The following UGGT2 variants were observed in gnomAD, a reference collection of about 807,000 sequenced individuals.
The protein encoded by UGGT2 is UDP-glucose:glycoprotein glucosyltransferase 2.
A neutral mutation model predicts 192.1 loss-of-function variants in UGGT2; 180 were observed. That is an observed-to-expected ratio of 0.94 (90% CI 0.83 to 1.06). The LOEUF is 1.06. Ranked by LOEUF, UGGT2 falls within the 50% of genes least tolerant of loss-of-function variation. The probability of loss-of-function intolerance (pLI) is 0.00; values close to 1 mark genes in which losing one functional copy is unlikely to be tolerated. For missense variants in UGGT2, 1,849 were observed against 1,795.7 expected, an observed-to-expected ratio of 1.03 and a Z score of -0.54; for synonymous variants, 580 against 591.0, an observed-to-expected ratio of 0.98 and a Z score of 0.27.
intron 7 of UGGT2, chr13:95,991,280 G>T (rs994724121): frequency 2.2e-5 from 6 of 273,516 alleles, no homozygotes; most frequent in African/African-American, 1.3e-4. Flanking sequence ...TCTGGTTCTA[G>T]ATCCTTGAGG....
At position 95,801,710 on chromosome 13, in the gene UGGT2, C is replaced by A; in HGVS notation, c.*80G>T. 6.8e-7 allele frequency: 1 copy of A among 1,468,946 alleles called. No individual in the cohort carries two copies. Among genetic ancestry groups the A allele is most frequent in the South Asian group, 1.2e-5 (1 of 80,730 alleles). 91.0% of individuals were successfully genotyped at this position (1,468,946 alleles called of 1,614,324 possible). On this transcript the variant is annotated 3_prime_UTR_variant, in exon 39 of 39. Transcript: ENST00000376747. ...GATCTTAACGAGACTTCCAAATCGTCTCAGCAGGGGCTCCAGACTTCCCCA... is the reference window on the plus strand; with the variant it reads ...GATCTTAACGAGACTTCCAAATCGTATCAGCAGGGGCTCCAGACTTCCCCA...
chr13:96,051,953 TTTGA>T (rs1268141775), intron 1 of UGGT2, among the ~76,000 whole-genome samples: 1 of 152,198 alleles, frequency 6.6e-6, no homozygotes, highest in Non-Finnish European at 1.5e-5. Context: ...AGATCTACCA[TTTGA>T]TCCAGCAATC....
At chr13:96,009,736 A>G (rs367830814) in intron 5 of UGGT2, among the ~76,000 whole-genome samples, 166 of 152,298 alleles carry the variant, frequency 1.1e-3, no homozygotes, top group African/African-American at 3.7e-3. Flanking sequence ...TGAACCCAAG[A>G]GGCGGAGGTT....
intron 5 of UGGT2, among the ~76,000 whole-genome samples, chr13:96,007,375 C>A (rs1225751142): frequency 6.6e-6 from 1 of 152,034 alleles, no homozygotes; most frequent in East Asian, 1.9e-4. Flanking sequence ...GAAAGCCATC[C>A]CTCAAAGATC....
intron 8 of UGGT2, among the ~76,000 whole-genome samples, chr13:95,988,218 G>A (rs540755153): frequency 4.7e-4 from 71 of 152,138 alleles, no homozygotes; most frequent in African/African-American, 1.6e-3. Context: ...TCTGTAAAAA[G>A]TCCCTTTATT....
intron 12 of UGGT2, among the ~76,000 whole-genome samples, chr13:95,962,229 G>A (rs2050417474): frequency 6.6e-6 from 1 of 151,924 alleles, no homozygotes; most frequent in Non-Finnish European, 1.5e-5. Flanking sequence ...TAAGATCAGA[G>A]CAGAACTAAA....
intron 14 of UGGT2, 97 bp downstream of exon 14, chr13:95,947,899 A>G: frequency 1.1e-6 from 1 of 939,104 alleles, no homozygotes; most frequent in Non-Finnish European, 1.6e-6. Context: ...AGAGCTAACC[A>G]TCGCTTTGAA....
intron 27 of UGGT2, among the ~76,000 whole-genome samples, chr13:95,882,961 A>T (rs1488071065): frequency 1.3e-5 from 2 of 152,170 alleles, no homozygotes; most frequent in East Asian, 3.8e-4. Flanking sequence ...TGGAAAAAAC[A>T]GCGATTTTTT....
intron 12 of UGGT2, among the ~76,000 whole-genome samples, chr13:95,962,927 G>T (rs1343942687): frequency 6.6e-6 from 1 of 152,098 alleles, no homozygotes; most frequent in East Asian, 1.9e-4. Flanking sequence ...ATCTTATATG[G>T]ATGGCAGCAA....
rs182574217 is a variant in UGGT2 at position 95,845,786 on chromosome 13, G to A, written c.4284+7757C>T. 8.0e-5 allele frequency among the ~76,000 whole-genome samples: 12 copies of A among 150,684 alleles called. No individual in the cohort carries two copies. The East Asian group carries it at 2.2e-3, about 27-fold the overall frequency. On this transcript the variant is annotated intron_variant, in intron 36 of 38. Transcript: ENST00000376747. ...CTCCTCAGTTCCCAGACGGGGTCGC[G>A]GCCGGGCAGAGGCGCTCTTCACATC... is the stretch of plus-strand genomic sequence containing the variant.
intron 38 of UGGT2, among the ~76,000 whole-genome samples, chr13:95,811,404 C>G (rs1215483743): frequency 6.6e-6 from 1 of 152,132 alleles, no homozygotes; most frequent in Non-Finnish European, 1.5e-5. Flanking sequence ...CTAGGCAAAT[C>G]TGTGGAGACA....
chr13:95,876,302 T>C (rs1389661976), intron 29 of UGGT2, among the ~76,000 whole-genome samples: 1 of 152,212 alleles, frequency 6.6e-6, no homozygotes, highest in Non-Finnish European at 1.5e-5. Context: ...AAAATATCAA[T>C]TATGCTGGTA....
Position 95,815,262 on chromosome 13 carries a change from A to C in UGGT2, c.4529-13450T>G, listed in dbSNP as rs369823195. Among the ~76,000 whole-genome samples, 6 of 152,318 alleles carry C rather than the reference A, an allele frequency of 3.9e-5. No homozygotes were observed. In the East Asian group the frequency reaches 7.7e-4, roughly 20 times the overall value. ...ACATTACTATGAAGACTGGAAAGGA[A>C]AAAGTAAAACTATTTTTATTTGCTG... On this transcript the variant is annotated intron_variant, in intron 38 of 38. Coordinates refer to ENST00000376747, the MANE Select transcript of UGGT2 (RefSeq NM_020121.4).
chr13:95,871,984 G>C (rs749009650), intron 29 of UGGT2, among the ~76,000 whole-genome samples: 1 of 152,154 alleles, frequency 6.6e-6, no homozygotes, highest in Non-Finnish European at 1.5e-5. Flanking sequence ...CAAAAACATG[G>C]GAGAAACAGT....
At chr13:95,859,725 C>CAT (rs770978003) in intron 32 of UGGT2, 50 bp from the exon 33 acceptor site, 49 of 1,327,440 alleles carry the variant, frequency 3.7e-5, no homozygotes, top group Non-Finnish European at 4.9e-5. Context: ...AACAGGAGCT[C>CAT]ATATATATTT....
chr13:95,807,716 C>CTTA (rs1555331600), intron 38 of UGGT2, among the ~76,000 whole-genome samples: 1 of 78,706 alleles, frequency 1.3e-5, no homozygotes, highest in African/African-American at 5.2e-5. Context: ...CAGCCCTCAC[C>CTTA]TTTTTTTTTT....
At chr13:95,892,052 A>G (rs1255851281) in intron 24 of UGGT2, among the ~76,000 whole-genome samples, 1 of 152,116 alleles carries the variant, frequency 6.6e-6, no homozygotes, top group African/African-American at 2.4e-5. Flanking sequence ...ACTCTTGACA[A>G]TTGTTGCTTC....
chr13:95,855,216 T>C (rs1189031805), intron 34 of UGGT2, among the ~76,000 whole-genome samples: 1 of 149,450 alleles, frequency 6.7e-6, no homozygotes, highest in East Asian at 2.0e-4. Flanking sequence ...AATGCAGGAG[T>C]CTGAGGCTAC....
At chr13:96,011,646 T>TA (rs2052165236) in intron 5 of UGGT2, among the ~76,000 whole-genome samples, 1 of 152,106 alleles carries the variant, frequency 6.6e-6, no homozygotes, top group Non-Finnish European at 1.5e-5. Context: ...TGACTTACCA[T>TA]ACAACTCAGC....
Sources: allele counts gnomAD v4.1 joint callset (sites outside exome capture counted in the v4.1 genomes callset), GRCh38; gene constraint gnomAD v4.1.1; transcripts MANE v1.5; gene names NCBI Gene and HGNC (gene_info 2026-07-23, HGNC 2026-07-21).